SLC8A1: variants seen among roughly 807,000 people sequenced by gnomAD.
SLC8A1 encodes the protein solute carrier family 8 member A1, also known as sodium/calcium exchanger 1.
In SLC8A1, 18 loss-of-function variants were observed where a neutral mutation model predicts 68.3. The observed-to-expected ratio is 0.26, with a 90% CI of 0.18 to 0.39. The LOEUF is 0.39. Ranked by LOEUF, SLC8A1 falls within the 10% of genes least tolerant of loss-of-function variation. The probability of loss-of-function intolerance (pLI) is 1.00; values close to 1 mark genes in which losing one functional copy is unlikely to be tolerated. For missense variants in SLC8A1, 985 were observed against 1,156.7 expected (o/e 0.85, Z 2.15); for synonymous variants, 475 against 415.5 (o/e 1.14, Z -1.74).
At chr2:40,142,638 G>T (rs1290997030) in intron 6 of SLC8A1, among the ~76,000 whole-genome samples, 1 of 152,076 alleles carries the variant, frequency 6.6e-6, no homozygotes, top group East Asian at 1.9e-4. Context: ...CAGAAGAAAT[G>T]CCATTTATAA....
intron 7 of SLC8A1, 33 bp from the exon 11 acceptor site, chr2:40,115,662 C>T (rs766426625): frequency 2.5e-6 from 4 of 1,582,296 alleles, no homozygotes; most frequent in Admixed American, 3.4e-5. Context: ...CAATGACACT[C>T]AATCTTTTAG....
intron 2 of SLC8A1, among the ~76,000 whole-genome samples, chr2:40,276,839 T>C (rs1433155332): frequency 6.6e-6 from 1 of 152,224 alleles, no homozygotes; most frequent in Non-Finnish European, 1.5e-5. Context: ...CCAAAATGAT[T>C]TACATTTGTT....
At chr2:40,420,806 A>G (rs1695289611) in intron 2 of SLC8A1, among the ~76,000 whole-genome samples, 1 of 152,114 alleles carries the variant, frequency 6.6e-6, no homozygotes, top group Non-Finnish European at 1.5e-5. Flanking sequence ...CTCCTTGTGT[A>G]TGAAAGCCAT....
At chr2:40,338,698 A>C (rs771545540) in intron 2 of SLC8A1, among the ~76,000 whole-genome samples, 43 of 152,214 alleles carry the variant, frequency 2.8e-4, no homozygotes, top group Non-Finnish European at 5.1e-4. Flanking sequence ...AGAAGTCACT[A>C]GGGATGATTC....
chr2:40,390,715 T>C (rs1358709335), intron 2 of SLC8A1, among the ~76,000 whole-genome samples: 1 of 152,138 alleles, frequency 6.6e-6, no homozygotes, highest in African/African-American at 2.4e-5. Flanking sequence ...ATGTTTTTTT[T>C]AACAACCCGA....
chr2:40,185,698 G>C (rs1036544636), intron 2 of SLC8A1, among the ~76,000 whole-genome samples: 4 of 152,010 alleles, frequency 2.6e-5, no homozygotes, highest in African/African-American at 9.7e-5. Context: ...ACAATTCTGA[G>C]GACATATAAA....
chr2:40,278,791 A>G (rs2067116715), intron 2 of SLC8A1, among the ~76,000 whole-genome samples: 1 of 152,122 alleles, frequency 6.6e-6, no homozygotes. Flanking sequence ...AATGAAAAAA[A>G]CAGAAACCCC....
intron 6 of SLC8A1, among the ~76,000 whole-genome samples, chr2:40,151,264 G>GGT (rs200470719): frequency 4.5e-5 from 5 of 110,256 alleles, no homozygotes; most frequent in East Asian, 4.1e-4. Context: ...GCGTGTGTAT[G>GGT]GTGCGTGTGT....
At chr2:40,146,724 A>C (rs1420973855) in intron 6 of SLC8A1, among the ~76,000 whole-genome samples, 2 of 152,166 alleles carry the variant, frequency 1.3e-5, no homozygotes, top group East Asian at 3.9e-4. Flanking sequence ...TATTGTACAT[A>C]AAATTTGAGT....
At chr2:40,205,094 A>G (rs1043033756) in intron 2 of SLC8A1, among the ~76,000 whole-genome samples, 3 of 152,016 alleles carry the variant, frequency 2.0e-5, no homozygotes, top group South Asian at 2.1e-4. Context: ...ACAGTGGCCA[A>G]CTTATTTCCT....
At chr2:40,501,411 T>C (rs1245803005) in intron 1 of SLC8A1, among the ~76,000 whole-genome samples, 1 of 152,140 alleles carries the variant, frequency 6.6e-6, no homozygotes, top group African/African-American at 2.4e-5. Context: ...TTGCATACAT[T>C]TGCTCACTTT....
intron 2 of SLC8A1, among the ~76,000 whole-genome samples, chr2:40,423,758 C>T (rs1340843768): frequency 6.6e-6 from 1 of 151,952 alleles, no homozygotes; most frequent in Non-Finnish European, 1.5e-5. Context: ...ATTTAAGCTC[C>T]TGGCAGTACT....
At chr2:40,115,544 A>G (rs757506199) in exon 8 of SLC8A1, 5 of 1,614,142 alleles carry the variant, frequency 3.1e-6, no homozygotes, top group South Asian at 2.2e-5. Flanking sequence ...CCAGGAAGAC[A>G]TTCACCGCGT....
At chr2:40,160,681 T>C (rs2045513420) in intron 6 of SLC8A1, 84 bp downstream of exon 9, 1 of 1,182,512 alleles carries the variant, frequency 8.5e-7, no homozygotes, top group African/African-American at 1.5e-5. Context: ...TTTGGTGCTT[T>C]GCCATAGACC....
chr2:40,139,723 G>T, intron 6 of SLC8A1, 47 bp from the exon 10 acceptor site: 1 of 1,577,526 alleles, frequency 6.3e-7, no homozygotes, highest in Middle Eastern at 2.1e-4. Flanking sequence ...CTGTGTTGCC[G>T]GGTCTTCCTC....
chr2:40,254,132 ATACTC>A (rs1041832739), intron 2 of SLC8A1, among the ~76,000 whole-genome samples: 2 of 152,174 alleles, frequency 1.3e-5, no homozygotes, highest in South Asian at 4.1e-4. Flanking sequence ...AGCATCACAC[ATACTC>A]TACTCTAGAA....
chr2:40,185,982 C>G (rs1314460801), intron 2 of SLC8A1, among the ~76,000 whole-genome samples: 2 of 152,142 alleles, frequency 1.3e-5, no homozygotes, highest in Non-Finnish European at 2.9e-5. Context: ...TACCCTACTC[C>G]TTTCCTCAGG....
intron 6 of SLC8A1, among the ~76,000 whole-genome samples, chr2:40,143,122 C>T (rs1174991107): frequency 2.0e-5 from 3 of 152,282 alleles, no homozygotes; most frequent in East Asian, 3.9e-4. Flanking sequence ...TCTCTGGGAT[C>T]TCACTGCTCT....
At chr2:40,357,974 A>T (rs6544328) in intron 2 of SLC8A1, among the ~76,000 whole-genome samples, 77,121 of 150,096 alleles carry the variant, frequency 0.51, 20,526 homozygotes, top group Admixed American at 0.61. Context: ...GTGTTTGTAT[A>T]AAAAGGGATA....
Sources: gnomAD v4.1 joint callset for allele counts (sites outside exome capture counted in the v4.1 genomes callset) on GRCh38, gnomAD v4.1.1 for gene constraint, MANE v1.5 for transcripts, NCBI Gene and HGNC (gene_info 2026-07-23, HGNC 2026-07-21) for gene names.